SLC6A4: variants seen among roughly 807,000 people sequenced by gnomAD.
SLC6A4 encodes solute carrier family 6 member 4.
In SLC6A4, 22 loss-of-function variants were observed where a neutral mutation model predicts 73.4. The observed-to-expected ratio is 0.30, with a 90% confidence interval of 0.21 to 0.43. The LOEUF (loss-of-function observed/expected upper bound fraction) is 0.43. Ranked by LOEUF, SLC6A4 falls within the 20% of genes least tolerant of loss-of-function variation. The probability of loss-of-function intolerance (pLI) is 1.00; values close to 1 mark genes in which losing one functional copy is unlikely to be tolerated. For synonymous variants in SLC6A4, 270 were observed against 315.5 expected, an observed-to-expected ratio of 0.86 and a Z score of 1.53; for missense variants, 593 against 808.5, an observed-to-expected ratio of 0.73 and a Z score of 3.23.
At chr17:30,200,030 C>G (rs538072964) in intron 14 of SLC6A4, among the ~76,000 whole-genome samples, 1 of 152,152 alleles carries the variant, frequency 6.6e-6, no homozygotes, top group African/African-American at 2.4e-5. Context: ...TCCCAAGTAG[C>G]TGGACCTACA....
intron 5 of SLC6A4, among the ~76,000 whole-genome samples, chr17:30,217,865 G>T (rs1906627397): frequency 6.6e-6 from 1 of 152,220 alleles, no homozygotes; most frequent in Admixed American, 6.5e-5. Context: ...AATGTGAAGG[G>T]AGGGACGGGC....
At chr17:30,222,958 G>C in intron 1 of SLC6A4, 43 bp from the exon 2 acceptor site, 2 of 680,574 alleles carry the variant, frequency 2.9e-6, no homozygotes, top group South Asian at 2.9e-5. Context: ...GGGGTGGTTG[G>C]TGTCGCCGTC....
At chr17:30,207,951 A>G in intron 12 of SLC6A4, 119 bp from the exon 13 acceptor site, 2 of 704,822 alleles carry the variant, frequency 2.8e-6, no homozygotes, top group South Asian at 3.8e-5. Context: ...TGACAAGGGG[A>G]AATGACAAGC....
rs527890108 is a variant in SLC6A4, at chr17:30,229,461, G to C, written c.-221+6152C>G. On this transcript the variant is annotated intron_variant, in intron 1 of 14. Coordinates refer to ENST00000650711, the MANE Select transcript of SLC6A4 (RefSeq NM_001045.6). The stretch of plus-strand genomic sequence containing the variant: ...CTTTCTTTATTTTAACCTTCTTTTT[G>C]GTTCTTAAGGAAAACTAAATTTAAG... Among the ~76,000 whole-genome samples, 12 of 152,170 alleles carry C rather than the reference G, an allele frequency of 7.9e-5. No homozygotes were observed. In the South Asian group the frequency reaches 2.5e-3, roughly 32 times the overall value.
At chr17:30,218,431 C>T in intron 4 of SLC6A4, 94 bp from the exon 5 acceptor site, 1 of 952,326 alleles carries the variant, frequency 1.1e-6, no homozygotes, top group Non-Finnish European at 1.6e-6. Context: ...CCCCGCAGCC[C>T]AGCAGAGGGG....
At chr17:30,216,011 C>T in intron 7 of SLC6A4, 71 bp downstream of exon 7, 2 of 1,383,660 alleles carry the variant, frequency 1.4e-6, no homozygotes, top group Non-Finnish European at 2.0e-6. Flanking sequence ...CCCTACTGTC[C>T]TATTTGGAGG....
chr17:30,213,849 C>T (rs561258176), intron 8 of SLC6A4, among the ~76,000 whole-genome samples: 1 of 152,194 alleles, frequency 6.6e-6, no homozygotes, highest in East Asian at 1.9e-4. Flanking sequence ...CGGGCTCAAG[C>T]AATCCTCCTG....
intron 13 of SLC6A4, among the ~76,000 whole-genome samples, chr17:30,206,992 C>T (rs1277083439): frequency 6.6e-6 from 1 of 152,064 alleles, no homozygotes; most frequent in Non-Finnish European, 1.5e-5. Flanking sequence ...AGGCATGAGC[C>T]ACTGCACCCA....
chr17:30,219,690 G>C (rs1906686308), intron 3 of SLC6A4, among the ~76,000 whole-genome samples: 1 of 152,150 alleles, frequency 6.6e-6, no homozygotes, highest in Non-Finnish European at 1.5e-5. Flanking sequence ...TGGAGATGCT[G>C]GTGTCTCCTG....
chr17:30,214,530 A>C (rs951788192), intron 8 of SLC6A4, among the ~76,000 whole-genome samples: 4 of 151,828 alleles, frequency 2.6e-5, no homozygotes, highest in Non-Finnish European at 4.4e-5. Context: ...AAATAATCAC[A>C]TTACAATTTT....
rs756254987 is a variant in SLC6A4, at chr17:30,218,887, T to C, written c.388A>G (p.Ile130Val). 2 of 1,614,026 alleles carry C rather than the reference T, an allele frequency of 1.2e-6. No homozygotes were observed. The highest frequency in any genetic ancestry group is 1.7e-5 in the Admixed American group (1 of 59,994). Residue 130 changes from isoleucine (I) to valine (V), a missense_variant, in exon 4 of 15, where the codon ATC (isoleucine) becomes GTC (valine). Physicochemically the swap from Ile to Val is conservative, Grantham distance 29. Coordinates refer to ENST00000650711, the MANE Select transcript of SLC6A4 (RefSeq NM_001045.6). ...GCGAGCTCCATGTAAAAGAGCGGGA[T>C]TCCCCCAAAAATGGCCATGATGGTG... ...PYTIMAIFGG[I>V]PLFYMELALG...
In SLC6A4 at chr17:30,198,243, AC is replaced by A. The variant is rs1905923891; in HGVS notation, c.*212del. The A allele has an allele frequency of 2.3e-6, 1 of 441,756 alleles. No homozygotes were observed. Among genetic ancestry groups the A allele is most frequent in the Non-Finnish European group, 4.0e-6 (1 of 250,058 alleles). The allele number at this position is 441,756 out of a possible 1,614,324, so 27.4% of individuals were successfully genotyped here. A position where few individuals can be genotyped will look rare whatever the true frequency, so the allele number is the denominator to read the frequency against. ...CAAAATAGGCCAGCTCAGCTGTGTC[AC>A]AGTCTACCATGGGAATATGTCCAGG... On this transcript the variant is annotated 3_prime_UTR_variant, in exon 15 of 15. Transcript: ENST00000650711.
chr17:30,198,451 G>A lies in SLC6A4; in HGVS notation c.*5C>T. ...GGAGAAGCCTTTTTCCTCTCGGTGA[G>A]TGTGTTACACAGCATTCAAGCGGAT... On this transcript the variant is annotated 3_prime_UTR_variant, in exon 15 of 15. Coordinates refer to ENST00000650711, the MANE Select transcript of SLC6A4 (RefSeq NM_001045.6). 6.3e-7 allele frequency: 1 copy of A among 1,575,408 alleles called. No homozygotes were observed. Among genetic ancestry groups the A allele is most frequent in the Non-Finnish European group, 8.7e-7 (1 of 1,148,174 alleles).
At position 30,197,199 on chromosome 17, in the gene SLC6A4, G is replaced by A. The variant is rs926552996; in HGVS notation, c.*1257C>T. 1 of 152,278 alleles carries A rather than the reference G, an allele frequency of 6.6e-6. No individual in the cohort carries two copies. Among genetic ancestry groups the A allele is most frequent in the African/African-American group, 2.4e-5 (1 of 41,418 alleles). 9.4% of individuals were successfully genotyped at this position (152,278 alleles called of 1,614,324 possible). On this transcript the variant is annotated 3_prime_UTR_variant, in exon 15 of 15. Transcript: ENST00000650711. ...ATTAAGGGCCTTATGTGAAATGAAA[G>A]GTGATTTACTTAGCTGACCATTTCC...
At chr17:30,202,467 GTCCT>G (rs956051429) in intron 14 of SLC6A4, among the ~76,000 whole-genome samples, 2 of 152,192 alleles carry the variant, frequency 1.3e-5, no homozygotes, top group African/African-American at 4.8e-5. Flanking sequence ...CCACCTCAGT[GTCCT>G]TGTCTGGTAA....
intron 8 of SLC6A4, 109 bp downstream of exon 8, chr17:30,215,502 G>A: frequency 4.6e-6 from 4 of 874,092 alleles, no homozygotes; most frequent in Non-Finnish European, 7.7e-6. Flanking sequence ...TGGTATCAAG[G>A]CCTAAGCCTG....
intron 8 of SLC6A4, 31 bp downstream of exon 8, chr17:30,215,580 C>T: frequency 1.3e-6 from 2 of 1,564,800 alleles, no homozygotes; most frequent in Non-Finnish European, 8.8e-7. Context: ...ACGCCACTTT[C>T]AAGCTTTGCT....
intron 8 of SLC6A4, among the ~76,000 whole-genome samples, chr17:30,214,634 C>CTTTTTT (rs753290326): frequency 3.0e-5 from 4 of 132,360 alleles, no homozygotes; most frequent in Admixed American, 7.6e-5. Flanking sequence ...TTCTTTCTTT[C>CTTTTTT]TTTTTTTTTT....
intron 14 of SLC6A4, among the ~76,000 whole-genome samples, chr17:30,200,724 C>T (rs980474814): frequency 6.6e-6 from 1 of 152,340 alleles, no homozygotes; most frequent in Middle Eastern, 3.4e-3. Context: ...TAAACATGCA[C>T]ATGGGCATAT....
Sources: gnomAD v4.1 joint callset for allele counts (sites outside exome capture counted in the v4.1 genomes callset) on GRCh38, gnomAD v4.1.1 for gene constraint, MANE v1.5 for transcripts, NCBI Gene and HGNC (gene_info 2026-07-23, HGNC 2026-07-21) for gene names.